VPS54: variants seen among roughly 807,000 people sequenced by gnomAD.
VPS54 encodes the protein VPS54 subunit of GARP complex.
In VPS54, 45 loss-of-function variants were observed where a neutral mutation model predicts 121.5. The observed-to-expected ratio is 0.37, with a 90% CI of 0.29 to 0.47. VPS54 has a LOEUF of 0.47. Among genes scored for constraint, VPS54 ranks in the 20% least tolerant of loss-of-function variants. The pLI is 0.99. For synonymous variants in VPS54, 371 were observed against 385.8 expected (o/e 0.96, Z 0.45); for missense variants, 1,090 against 1,131.4 (o/e 0.96, Z 0.52).
intron 9 of VPS54, among the ~76,000 whole-genome samples, chr2:63,945,316 C>T (rs1351946915): frequency 1.3e-5 from 2 of 152,160 alleles, no homozygotes; most frequent in African/African-American, 4.8e-5. Flanking sequence ...TGCATGTTCT[C>T]ACTTGTAAGT....
At position 63,893,468 on chromosome 2, in the gene VPS54, C is replaced by T; in HGVS notation, c.2896G>A (p.Asp966Asn). 6.2e-7 allele frequency: 1 copy of T among 1,614,052 alleles called. No individual in the cohort carries two copies. The highest frequency in any genetic ancestry group is 1.1e-5 in the South Asian group (1 of 91,068). Residue 966 changes from aspartate to asparagine, a missense_variant, in exon 23 of 23, where the codon GAC (aspartate) becomes AAC (asparagine). By Grantham distance (23) the Asp-to-Asn change is conservative. Transcript: ENST00000272322. Reference sequence around the variant, plus strand: ...TCCCAAATTTCGGCCATATTTAGGTCCAAATCTTTAAGGCCTTTTAAGGCT... The same window carrying T: ...TCCCAAATTTCGGCCATATTTAGGTTCAAATCTTTAAGGCCTTTTAAGGCT... ...LQALKGLKDL[D>N]LNMAEIWEQK...
At chr2:63,897,700 G>A (rs1214846363) in intron 21 of VPS54, 110 bp from the exon 22 acceptor site, 7 of 618,604 alleles carry the variant, frequency 1.1e-5, no homozygotes, top group Non-Finnish European at 1.8e-5. Context: ...CCTTTGCTTT[G>A]ACATATACTT....
At chr2:63,948,260 AGTT>A (rs34916235) in intron 8 of VPS54, among the ~76,000 whole-genome samples, 19,241 of 151,972 alleles carry the variant, frequency 0.13, 1,356 homozygotes, top group Middle Eastern at 0.19. Flanking sequence ...ATTTTTTACT[AGTT>A]GTTGTCAGTG....
At chr2:63,917,437 T>C (rs1459126909) in intron 15 of VPS54, among the ~76,000 whole-genome samples, 1 of 152,094 alleles carries the variant, frequency 6.6e-6, no homozygotes, top group Non-Finnish European at 1.5e-5. Flanking sequence ...CTAAATTTGA[T>C]GGAAAGATTA....
At chr2:64,007,791 T>C (rs1678235286) in intron 1 of VPS54, among the ~76,000 whole-genome samples, 2 of 152,230 alleles carry the variant, frequency 1.3e-5, no homozygotes, top group South Asian at 4.1e-4. Context: ...CAATCAGAAA[T>C]ACCATCCTTA....
In VPS54 at chr2:63,921,343, T is replaced by C. The variant is rs1485705675; in HGVS notation, c.1740-8A>G. Reference sequence around the variant, plus strand: ...TTCATATCTTCACTGACCCTGAAAATAACAAAATAAGATTTAGTCAGGGAA... The same window carrying C: ...TTCATATCTTCACTGACCCTGAAAACAACAAAATAAGATTTAGTCAGGGAA... On this transcript the variant is annotated splice_polypyrimidine_tract_variant and splice_region_variant and intron_variant, in intron 12 of 22. Coordinates refer to ENST00000272322, the MANE Select transcript of VPS54 (RefSeq NM_016516.3). 5.0e-6 allele frequency: 8 copies of C among 1,610,110 alleles called. No homozygotes were observed. The highest frequency in any genetic ancestry group is 6.8e-6 in the Non-Finnish European group (8 of 1,177,954).
intron 20 of VPS54, 120 bp downstream of exon 20, chr2:63,912,225 G>A: frequency 2.0e-6 from 2 of 1,004,872 alleles, no homozygotes; most frequent in Non-Finnish European, 1.4e-6. Flanking sequence ...TCTACTAATT[G>A]GTAAATATCC....
chr2:63,994,480 G>A (rs967190881), intron 1 of VPS54, among the ~76,000 whole-genome samples: 3 of 152,134 alleles, frequency 2.0e-5, no homozygotes, highest in African/African-American at 4.8e-5. Context: ...TGGATGCCTG[G>A]AGCTACAGAT....
intron 3 of VPS54, 76 bp downstream of exon 3, chr2:63,981,570 A>T: frequency 6.8e-7 from 1 of 1,470,152 alleles, no homozygotes; most frequent in Non-Finnish European, 9.1e-7. Flanking sequence ...TACTGGTCAA[A>T]AATCTATAAT....
At chr2:63,979,038 G>C (rs756059068) in intron 3 of VPS54, among the ~76,000 whole-genome samples, 1 of 152,008 alleles carries the variant, frequency 6.6e-6, no homozygotes, top group Non-Finnish European at 1.5e-5. Flanking sequence ...TCATTATTAG[G>C]CTTTTAATCT....
intron 1 of VPS54, among the ~76,000 whole-genome samples, chr2:64,011,077 A>C (rs1243870715): frequency 1.3e-5 from 2 of 152,274 alleles, no homozygotes; most frequent in African/African-American, 4.8e-5. Context: ...AAATTATAAC[A>C]ATTTGTAATG....
intron 9 of VPS54, among the ~76,000 whole-genome samples, chr2:63,945,449 AAT>A (rs1314144399): frequency 1.3e-5 from 2 of 152,174 alleles, no homozygotes; most frequent in African/African-American, 2.4e-5. Context: ...TACTAGGCTT[AAT>A]ACCTGGGTGA....
At chr2:63,931,257 C>T (rs1424571211) in intron 12 of VPS54, among the ~76,000 whole-genome samples, 1 of 152,182 alleles carries the variant, frequency 6.6e-6, no homozygotes, top group Non-Finnish European at 1.5e-5. Flanking sequence ...TCAAACTATA[C>T]TACAAGGCTA....
At chr2:64,017,183 A>C (rs1250926368) in intron 1 of VPS54, among the ~76,000 whole-genome samples, 1 of 152,032 alleles carries the variant, frequency 6.6e-6, no homozygotes, top group East Asian at 1.9e-4. Flanking sequence ...TCTACTAAAA[A>C]TACAAAAATC....
intron 7 of VPS54, among the ~76,000 whole-genome samples, chr2:63,960,994 T>A (rs939544422): frequency 4.6e-5 from 7 of 152,214 alleles, no homozygotes; most frequent in Non-Finnish European, 1.0e-4. Flanking sequence ...AAGTCTGGAT[T>A]AGGTTCCACC....
intron 4 of VPS54, among the ~76,000 whole-genome samples, chr2:63,970,063 C>A (rs921106947): frequency 6.6e-6 from 1 of 151,666 alleles, no homozygotes; most frequent in Non-Finnish European, 1.5e-5. Context: ...TCTTTCTGCA[C>A]TTAGACTCCA....
At chr2:63,995,644 A>C (rs1162082288) in intron 1 of VPS54, among the ~76,000 whole-genome samples, 1 of 152,220 alleles carries the variant, frequency 6.6e-6, no homozygotes, top group African/African-American at 2.4e-5. Context: ...TTGACCAAAA[A>C]TTGGCTAATC....
intron 20 of VPS54, among the ~76,000 whole-genome samples, chr2:63,907,676 C>G (rs889781518): frequency 5.3e-5 from 8 of 152,102 alleles, no homozygotes; most frequent in African/African-American, 1.7e-4. Flanking sequence ...GGAGAAAATA[C>G]TTAGAAACCA....
At chr2:63,989,066 A>G (rs1030218100) in intron 1 of VPS54, among the ~76,000 whole-genome samples, 1 of 152,080 alleles carries the variant, frequency 6.6e-6, no homozygotes, top group Non-Finnish European at 1.5e-5. Flanking sequence ...GTAGATAGGG[A>G]TGAAACACGC....
Sources: allele counts gnomAD v4.1 joint callset (sites outside exome capture counted in the v4.1 genomes callset), GRCh38; gene constraint gnomAD v4.1.1; transcripts MANE v1.5; gene names NCBI Gene and HGNC (gene_info 2026-07-23, HGNC 2026-07-21).